The following RAB3GAP2 variants were observed in gnomAD, a reference collection of about 807,000 sequenced individuals.
RAB3GAP2 encodes the protein RAB3 GTPase activating non-catalytic protein subunit 2.
Under a neutral mutation model 185.3 loss-of-function variants are expected in RAB3GAP2, and 87 were observed. That is an observed-to-expected ratio of 0.47 (90% CI 0.39 to 0.56). The LOEUF (loss-of-function observed/expected upper bound fraction) is 0.56. Ranked by LOEUF, RAB3GAP2 falls within the 20% of genes least tolerant of loss-of-function variation. The pLI is 0.00. For missense variants in RAB3GAP2, 1,492 were observed against 1,638.2 expected, an observed-to-expected ratio of 0.91 and a Z score of 1.54; for synonymous variants, 554 against 576.1, an observed-to-expected ratio of 0.96 and a Z score of 0.55.
At position 220,151,035 on chromosome 1, in the gene RAB3GAP2, T is replaced by G; in HGVS notation, c.*216A>C. 3.8e-6 allele frequency: 2 copies of G among 529,460 alleles called. No individual in the cohort carries two copies. Among genetic ancestry groups the G allele is most frequent in the Non-Finnish European group, 6.6e-6 (2 of 302,754 alleles). The allele number at this position is 529,460 out of a possible 1,614,324, so 32.8% of individuals were successfully genotyped here. A position where few individuals can be genotyped will look rare whatever the true frequency, so the allele number is the denominator to read the frequency against. Reference sequence around the variant, plus strand: ...AACATCTGTATTAATTATAACAGAGTTGACATTTGTTTATATTTTATCTTC... The same window carrying G: ...AACATCTGTATTAATTATAACAGAGGTGACATTTGTTTATATTTTATCTTC... On this transcript the variant is annotated 3_prime_UTR_variant, in exon 35 of 35. Coordinates refer to ENST00000358951, the MANE Select transcript of RAB3GAP2 (RefSeq NM_012414.4).
intron 7 of RAB3GAP2, among the ~76,000 whole-genome samples, chr1:220,208,484 A>G (rs141701678): frequency 2.0e-3 from 301 of 152,330 alleles, no homozygotes; most frequent in African/African-American, 6.5e-3. Context: ...GTGCCTATAC[A>G]ACAGTTTTGT....
chr1:220,202,447 C>A, intron 8 of RAB3GAP2, 73 bp from the exon 9 acceptor site: 1 of 1,452,744 alleles, frequency 6.9e-7, no homozygotes, highest in East Asian at 2.3e-5. Context: ...ACATTAAAAC[C>A]ATACTAATTT....
chr1:220,149,638 A>G lies in RAB3GAP2; in HGVS notation c.*1613T>C, dbSNP rs1298552698. 1 of 152,244 alleles carries G rather than the reference A, an allele frequency of 6.6e-6. No homozygotes were observed. The highest frequency in any genetic ancestry group is 1.5e-5 in the Non-Finnish European group (1 of 68,068). 9.4% of individuals were successfully genotyped at this position (152,244 alleles called of 1,614,324 possible). ...GTGTGGCTGGGGCAGCGGAGACCCA[A>G]GCAGAGGCTGGGAGGTTGGACTAGC... On this transcript the variant is annotated 3_prime_UTR_variant, in exon 35 of 35. Coordinates refer to ENST00000358951, the MANE Select transcript of RAB3GAP2 (RefSeq NM_012414.4).
At chr1:220,234,243 T>C (rs1316734024) in intron 1 of RAB3GAP2, among the ~76,000 whole-genome samples, 1 of 151,648 alleles carries the variant, frequency 6.6e-6, no homozygotes, top group Non-Finnish European at 1.5e-5. Context: ...CTAAATAAAA[T>C]ATTATATTTA....
chr1:220,176,015 A>G (rs980026373), intron 21 of RAB3GAP2, among the ~76,000 whole-genome samples: 1 of 152,184 alleles, frequency 6.6e-6, no homozygotes, highest in African/African-American at 2.4e-5. Context: ...GATATTTTAA[A>G]TTGCAGGAAA....
chr1:220,200,730 A>G (rs1011528229), intron 9 of RAB3GAP2: 2 of 473,610 alleles, frequency 4.2e-6, no homozygotes, highest in African/African-American at 2.0e-5. Context: ...ATGTTTACCA[A>G]TAGGTTTTTA....
intron 7 of RAB3GAP2, 65 bp downstream of exon 7, chr1:220,210,323 A>T (rs1173615734): frequency 9.3e-6 from 11 of 1,179,996 alleles, no homozygotes. Flanking sequence ...CTACCTAAAA[A>T]AGAGGAGAGA....
chr1:220,181,994 A>G (rs1375204626), intron 21 of RAB3GAP2, among the ~76,000 whole-genome samples: 1 of 151,886 alleles, frequency 6.6e-6, no homozygotes, highest in Non-Finnish European at 1.5e-5. Flanking sequence ...TGATCACACC[A>G]CTATACTCCA....
chr1:220,267,241 G>A (rs1660244385), intron 1 of RAB3GAP2: 1 of 916,540 alleles, frequency 1.1e-6, no homozygotes, highest in Non-Finnish European at 1.8e-6. Flanking sequence ...ATCAAACTTT[G>A]AAAGTTTCTG....
rs1657664698 is a variant in RAB3GAP2, at chr1:220,148,478, A to G, written c.*2773T>C. ...GCTAATTCTATTCAGCAGGAATCTA[A>G]CTTCTAGACACCCAGCAAACCCATT... On this transcript the variant is annotated 3_prime_UTR_variant, in exon 35 of 35. Coordinates refer to ENST00000358951, the MANE Select transcript of RAB3GAP2 (RefSeq NM_012414.4). The G allele has an allele frequency of 6.6e-6, 1 of 152,196 alleles. No individual in the cohort carries two copies. The highest frequency in any genetic ancestry group is 1.5e-5 in the Non-Finnish European group (1 of 68,016). 9.4% of individuals were successfully genotyped at this position (152,196 alleles called of 1,614,324 possible).
chr1:220,215,739 C>T (rs1659187947), intron 2 of RAB3GAP2, among the ~76,000 whole-genome samples: 2 of 151,900 alleles, frequency 1.3e-5, no homozygotes, highest in Admixed American at 1.3e-4. Flanking sequence ...CTAAATTATC[C>T]ATCTATTCTC....
chr1:220,170,199 A>G (rs1021562221), intron 24 of RAB3GAP2, among the ~76,000 whole-genome samples: 1 of 152,186 alleles, frequency 6.6e-6, no homozygotes, highest in Non-Finnish European at 1.5e-5. Context: ...GTTCTCACTC[A>G]TAAGTGGGAG....
intron 1 of RAB3GAP2, 73 bp downstream of exon 1, chr1:220,272,150 T>C (rs1660347102): frequency 7.9e-7 from 1 of 1,264,398 alleles, no homozygotes; most frequent in East Asian, 2.5e-5. Flanking sequence ...GCAGAGCGAG[T>C]AGGAGACTCG....
rs549538987 is a variant in RAB3GAP2, at chr1:220,203,879, A to T, written c.713-1505T>A. ...AACCTGCTAACAAAGACAGAAAAAA[A>T]TTTTTATTGCAATATAAGATGCTGC... On this transcript the variant is annotated intron_variant, in intron 8 of 34. Coordinates refer to ENST00000358951, the MANE Select transcript of RAB3GAP2 (RefSeq NM_012414.4). 7.2e-5 allele frequency among the ~76,000 whole-genome samples: 11 copies of T among 152,282 alleles called. No individual in the cohort carries two copies. In the East Asian group the frequency reaches 1.7e-3, roughly 24 times the overall value.
At chr1:220,254,650 T>G in intron 1 of RAB3GAP2, 1 of 833,858 alleles carries the variant, frequency 1.2e-6, no homozygotes. Flanking sequence ...TAACAATTGA[T>G]GTTTGTTTTC....
At chr1:220,226,819 G>T (rs983307660) in intron 2 of RAB3GAP2, among the ~76,000 whole-genome samples, 4 of 152,078 alleles carry the variant, frequency 2.6e-5, no homozygotes, top group Admixed American at 1.3e-4. Flanking sequence ...ACTGTACTTG[G>T]TTGGACATAG....
intron 27 of RAB3GAP2, among the ~76,000 whole-genome samples, chr1:220,163,609 G>T (rs1378872161): frequency 6.6e-6 from 1 of 151,208 alleles, no homozygotes. Context: ...TGATCCGCCC[G>T]CCTCGGCCTC....
At chr1:220,199,086 A>G (rs1420137408) in intron 9 of RAB3GAP2, among the ~76,000 whole-genome samples, 1 of 152,174 alleles carries the variant, frequency 6.6e-6, no homozygotes, top group Non-Finnish European at 1.5e-5. Context: ...TACAGGAGAC[A>G]GTGTCAGAGG....
intron 1 of RAB3GAP2, among the ~76,000 whole-genome samples, chr1:220,236,984 T>C (rs542628513): frequency 4.0e-4 from 61 of 152,324 alleles, no homozygotes; most frequent in African/African-American, 1.4e-3. Context: ...TTTGCCTAAT[T>C]TATTATCAAT....
Sources: allele counts gnomAD v4.1 joint callset (sites outside exome capture counted in the v4.1 genomes callset), GRCh38; gene constraint gnomAD v4.1.1; transcripts MANE v1.5; gene names NCBI Gene and HGNC (gene_info 2026-07-23, HGNC 2026-07-21).